The following VPS29 variants were observed in gnomAD, a reference collection of about 807,000 sequenced individuals.
VPS29 encodes the protein vacuolar protein sorting-associated protein 29.
A neutral mutation model predicts 20.0 loss-of-function variants in VPS29; 2 were observed. That is an observed-to-expected ratio of 0.10 (90% CI 0.04 to 0.31). The LOEUF (loss-of-function observed/expected upper bound fraction) is 0.31, where lower values mean the gene tolerates loss of function less well. Ranked by LOEUF, VPS29 falls within the 10% of genes least tolerant of loss-of-function variation. The probability of loss-of-function intolerance (pLI) is 1.00; values close to 1 mark genes in which losing one functional copy is unlikely to be tolerated. For missense variants in VPS29, 120 were observed against 215.3 expected, an observed-to-expected ratio of 0.56 and a Z score of 2.77; for synonymous variants, 81 against 79.3, an observed-to-expected ratio of 1.02 and a Z score of -0.12.
intron 1 of VPS29, chr12:110,501,318 G>A (rs1175499272): frequency 6.9e-7 from 1 of 1,446,274 alleles, no homozygotes; most frequent in African/African-American, 1.4e-5. Context: ...GGGAGACTAG[G>A]TAAGTCTCCA....
At chr12:110,498,718 C>T in intron 1 of VPS29, 1 of 383,598 alleles carries the variant, frequency 2.6e-6, no homozygotes, top group Non-Finnish European at 3.6e-6. Context: ...GTTGTATGAC[C>T]TATATTAATT....
At position 110,492,967 on chromosome 12, in the gene VPS29, C is replaced by T. The variant is rs775630576; in HGVS notation, c.431+29G>A. On this transcript the variant is annotated intron_variant, in intron 3 of 3. Transcript: ENST00000549578. The stretch of plus-strand genomic sequence containing the variant: ...CACATGCAATTATTTTACTAAAGCC[C>T]CCAAATTCCCAAATTCTATACTACT... 2.6e-6 allele frequency: 4 copies of T among 1,561,800 alleles called. No homozygotes were observed. In the East Asian group the frequency reaches 6.8e-5, roughly 27 times the overall value.
At chr12:110,497,788 C>T (rs1480333388) in intron 1 of VPS29, among the ~76,000 whole-genome samples, 1 of 151,512 alleles carries the variant, frequency 6.6e-6, no homozygotes, top group Admixed American at 6.6e-5. Context: ...TCCCAGCCAA[C>T]TTGGGAGGTT....
At chr12:110,499,117 T>G (rs1172464469) in intron 1 of VPS29, 1 of 160,362 alleles carries the variant, frequency 6.2e-6, no homozygotes, top group African/African-American at 2.4e-5. Context: ...TTCTATAAAG[T>G]ACTGTGGATT....
Position 110,496,338 on chromosome 12 carries a change from T to A in VPS29, c.4-135A>T, listed in dbSNP as rs561039864. On this transcript the variant is annotated intron_variant, in intron 1 of 3. Transcript: ENST00000549578. ...GAAATTATTCATAGGGTTCCTATCA[T>A]GACTATTTATTTAATCTCAGAAGCT... is the stretch of plus-strand genomic sequence containing the variant. 5.6e-4 allele frequency: 407 copies of A among 730,408 alleles called. 3 individuals are homozygous for A. In the South Asian group the frequency reaches 7.2e-3, roughly 13 times the overall value. The allele number at this position is 730,408 out of a possible 1,614,324, so 45.2% of individuals were successfully genotyped here.
At chr12:110,494,461 A>G (rs1011388194) in intron 2 of VPS29, among the ~76,000 whole-genome samples, 1 of 151,674 alleles carries the variant, frequency 6.6e-6, no homozygotes, top group South Asian at 2.1e-4. Context: ...TCACCGTGTT[A>G]GCCAGGATGG....
intron 2 of VPS29, among the ~76,000 whole-genome samples, chr12:110,495,601 G>C (rs1017446754): frequency 7.9e-5 from 12 of 152,076 alleles, no homozygotes; most frequent in African/African-American, 2.9e-4. Flanking sequence ...TCAGCTACTT[G>C]GGAGGTTAGG....
chr12:110,492,587 CATTTATTTTTATTTT>C (rs1401181426), intron 3 of VPS29, among the ~76,000 whole-genome samples: 2 of 142,974 alleles, frequency 1.4e-5, no homozygotes, highest in Non-Finnish European at 3.0e-5. Context: ...AAAAAAGTCA[CATTTATTTTTATTTT>C]ATTTATTTAT....
At position 110,493,178 on chromosome 12, in the gene VPS29, A is replaced by G; in HGVS notation, c.249T>C (p.Gly83=). The G allele has an allele frequency of 1.2e-6, 2 of 1,607,680 alleles. No homozygotes were observed. The highest frequency in any genetic ancestry group is 1.7e-6 in the Non-Finnish European group (2 of 1,176,894). ...KVVTVGQFKI[G]LIHGHQVIPW... is the part of the protein sequence containing the mutation. The stretch of plus-strand genomic sequence containing the variant: ...GAATAACTTGATGTCCATGGATCAG[A>G]CCAATTTTGAACTGTCCAACAGTCA... Residue 83 remains glycine (G), a synonymous_variant, in exon 3 of 4, where the codon GGT becomes GGC. Transcript: ENST00000549578.
chr12:110,501,437 C>T (rs773913356), intron 1 of VPS29: 35 of 1,535,312 alleles, frequency 2.3e-5, no homozygotes, highest in African/African-American at 8.2e-5. Context: ...CGTAGCAACC[C>T]GTGGAAAGAA....
At chr12:110,497,009 A>C (rs1371979150) in intron 1 of VPS29, 2 of 152,152 alleles carry the variant, frequency 1.3e-5, no homozygotes, top group East Asian at 3.8e-4. Flanking sequence ...CCAACTTAAA[A>C]AAAAGAAAAC....
chr12:110,495,767 CA>C (rs1005550445), intron 2 of VPS29, among the ~76,000 whole-genome samples: 63 of 151,834 alleles, frequency 4.1e-4, no homozygotes, highest in Non-Finnish European at 8.1e-4. Context: ...AAAACAGTAA[CA>C]AAGCCACTTT....
intron 2 of VPS29, among the ~76,000 whole-genome samples, chr12:110,494,419 A>AT (rs1268485292): frequency 4.0e-5 from 6 of 150,268 alleles, no homozygotes; most frequent in African/African-American, 7.3e-5. Context: ...TGCCCAGCTA[A>AT]TTTTTTTTGT....
rs553579184 is a variant in VPS29 at position 110,498,200 on chromosome 12, G to C, written c.4-1997C>G. ...TTGGCCAGGCTGGTCTCCAACATCT[G>C]ACCTCAGGTGACCCACCTGCCCTGG... On this transcript the variant is annotated intron_variant, in intron 1 of 3. Coordinates refer to ENST00000549578, the MANE Select transcript of VPS29 (RefSeq NM_016226.5). 3.3e-5 allele frequency among the ~76,000 whole-genome samples: 5 copies of C among 152,184 alleles called. No individual in the cohort carries two copies. The East Asian group carries it at 7.8e-4, about 24-fold the overall frequency.
At chr12:110,496,565 T>G (rs1231543899) in intron 1 of VPS29, 1 of 164,718 alleles carries the variant, frequency 6.1e-6, no homozygotes, top group Non-Finnish European at 1.3e-5. Context: ...CTAAAGTGAT[T>G]CATTTAGAGA....
intron 1 of VPS29, chr12:110,501,732 T>A: frequency 8.3e-7 from 1 of 1,200,536 alleles, no homozygotes. Context: ...ACATTCGAGG[T>A]ATAGGACCAA....
Position 110,492,898 on chromosome 12 carries a change from G to A in VPS29, c.431+98C>T, listed in dbSNP as rs148006317. 5.6e-4 allele frequency: 614 copies of A among 1,104,264 alleles called. 4 individuals carry two copies. In the East Asian group the frequency reaches 0.014, roughly 26 times the overall value. The allele number at this position is 1,104,264 out of a possible 1,614,324, so 68.4% of individuals were successfully genotyped here. On this transcript the variant is annotated intron_variant, in intron 3 of 3. Transcript: ENST00000549578. The stretch of plus-strand genomic sequence containing the variant: ...GTCTCCCGAAGTGCTGGTATTACAG[G>A]CATGAGCCACTGTGCCCAGCCACAT...
At chr12:110,496,322 C>A in intron 1 of VPS29, 119 bp from the exon 2 acceptor site, 1 of 850,432 alleles carries the variant, frequency 1.2e-6, no homozygotes, top group South Asian at 2.5e-5. Context: ...AGAAATTATT[C>A]ATAGGGTTCC....
At chr12:110,501,474 ATCCCGCCCTCTGAGAGCACACCTGC>A in intron 1 of VPS29, 1 of 1,535,498 alleles carries the variant, frequency 6.5e-7, no homozygotes, top group African/African-American at 1.4e-5. Context: ...CAAGCGCCAA[ATCCCGCCCTCTGAGAGCACACCTGC>A]TCATCTCAAT....
Sources: allele counts gnomAD v4.1 joint callset (sites outside exome capture counted in the v4.1 genomes callset), GRCh38; gene constraint gnomAD v4.1.1; transcripts MANE v1.5; gene names NCBI Gene and HGNC (gene_info 2026-07-23, HGNC 2026-07-21).